Variants in SNTG1 observed in about 807,000 individuals in gnomAD.
SNTG1 encodes gamma-1-syntrophin.
Under a neutral mutation model 74.7 loss-of-function variants are expected in SNTG1, and 39 were observed. That is an observed-to-expected ratio of 0.52 (90% CI 0.40 to 0.68). SNTG1 has a LOEUF of 0.68. Ranked by LOEUF, SNTG1 falls within the 30% of genes least tolerant of loss-of-function variation. The pLI is 0.00. For missense variants in SNTG1, 685 were observed against 609.5 expected (o/e 1.12, Z -1.30); for synonymous variants, 254 against 217.1 (o/e 1.17, Z -1.49).
intron 2 of SNTG1, among the ~76,000 whole-genome samples, chr8:50,370,284 A>C (rs1056328059): frequency 1.3e-5 from 2 of 152,216 alleles, no homozygotes; most frequent in African/African-American, 4.8e-5. Context: ...AATCAGGTGC[A>C]GAATACCACT....
At chr8:50,774,827 G>A (rs2095636031) in intron 18 of SNTG1, among the ~76,000 whole-genome samples, 1 of 151,492 alleles carries the variant, frequency 6.6e-6, no homozygotes, top group African/African-American at 2.4e-5. Context: ...GGGGGGAACA[G>A]AGTTATATAG....
chr8:50,661,628 C>A (rs2095223989), intron 15 of SNTG1, among the ~76,000 whole-genome samples: 1 of 152,088 alleles, frequency 6.6e-6, no homozygotes, highest in African/African-American at 2.4e-5. Flanking sequence ...TGGTTTGCTG[C>A]ACCTATCCAC....
chr8:49,912,813 C>A (rs966932205), intron 1 of SNTG1, among the ~76,000 whole-genome samples: 4 of 152,144 alleles, frequency 2.6e-5, no homozygotes, highest in Admixed American at 1.3e-4. Context: ...TTTGAAAGCT[C>A]AAGATTGCTT....
chr8:49,953,349 A>G (rs993512124), intron 1 of SNTG1, among the ~76,000 whole-genome samples: 1 of 152,160 alleles, frequency 6.6e-6, no homozygotes, highest in African/African-American at 2.4e-5. Context: ...CTTGGGGGGA[A>G]ACAGAGGATA....
At chr8:50,371,769 A>G (rs938558512) in intron 2 of SNTG1, among the ~76,000 whole-genome samples, 1 of 152,130 alleles carries the variant, frequency 6.6e-6, no homozygotes, top group African/African-American at 2.4e-5. Context: ...TGGTGAATTG[A>G]CCCTTTTATC....
Position 50,034,840 on chromosome 8 carries a change from G to A in SNTG1, c.-103+122609G>A, listed in dbSNP as rs532251043. Reference sequence around the variant, plus strand: ...GTGGGCCACAGGTTTGAGAAGCTTCGTCTAGTGTTTTAGCAATTCACCTCA... The same window carrying A: ...GTGGGCCACAGGTTTGAGAAGCTTCATCTAGTGTTTTAGCAATTCACCTCA... On this transcript the variant is annotated intron_variant, in intron 1 of 18. Coordinates refer to ENST00000642720, the MANE Select transcript of SNTG1 (RefSeq NM_018967.5). 6.0e-4 allele frequency among the ~76,000 whole-genome samples: 91 copies of A among 152,284 alleles called. 1 individual carries two copies. In the South Asian group the frequency reaches 0.014, roughly 24 times the overall value.
In SNTG1 at chr8:50,651,108, G is replaced by A. The variant is rs139231654; in HGVS notation, c.850-5801G>A. Among the ~76,000 whole-genome samples the A allele has an allele frequency of 6.6e-5, 10 of 152,232 alleles. No homozygotes were observed. In the South Asian group the frequency reaches 1.0e-3, roughly 16 times the overall value. ...ATCATGGATATTAGTAATTTATGCT[G>A]ATGCTTGCCATGAGTATTTACATTA... On this transcript the variant is annotated intron_variant, in intron 13 of 18. Coordinates refer to ENST00000642720, the MANE Select transcript of SNTG1 (RefSeq NM_018967.5).
At chr8:50,585,080 G>T (rs1236594664) in intron 12 of SNTG1, among the ~76,000 whole-genome samples, 1 of 152,142 alleles carries the variant, frequency 6.6e-6, no homozygotes, top group East Asian at 1.9e-4. Flanking sequence ...CCTGAAACAA[G>T]AACACAAGAA....
chr8:50,135,052 G>A (rs2081428877), intron 1 of SNTG1, among the ~76,000 whole-genome samples: 1 of 152,126 alleles, frequency 6.6e-6, no homozygotes, highest in Admixed American at 6.6e-5. Context: ...TAGTTGGCCT[G>A]GAAATGAACA....
intron 2 of SNTG1, among the ~76,000 whole-genome samples, chr8:50,369,451 C>G (rs1033615412): frequency 2.6e-5 from 4 of 151,950 alleles, no homozygotes; most frequent in African/African-American, 9.7e-5. Context: ...ACAAAATTAG[C>G]CAGGGGTGGT....
chr8:50,366,737 A>T (rs2092122196), intron 2 of SNTG1, among the ~76,000 whole-genome samples: 2 of 146,620 alleles, frequency 1.4e-5, no homozygotes, highest in African/African-American at 4.9e-5. Context: ...ATATATGTGA[A>T]TACATATATT....
At chr8:50,734,300 T>A (rs964052894) in intron 17 of SNTG1, among the ~76,000 whole-genome samples, 1 of 151,882 alleles carries the variant, frequency 6.6e-6, no homozygotes, top group South Asian at 2.1e-4. Flanking sequence ...GTAGTATTTA[T>A]ATAGAGACTG....
intron 1 of SNTG1, among the ~76,000 whole-genome samples, chr8:50,089,712 A>T (rs1016658852): frequency 1.3e-5 from 2 of 152,208 alleles, no homozygotes; most frequent in Non-Finnish European, 2.9e-5. Flanking sequence ...ATGAGATACC[A>T]TCTCACACCA....
chr8:50,194,612 G>T (rs1824464), intron 2 of SNTG1, among the ~76,000 whole-genome samples: 2 of 151,952 alleles, frequency 1.3e-5, no homozygotes, highest in African/African-American at 4.8e-5. Context: ...TCTTTTCAAA[G>T]AACCAGCTTT....
chr8:50,595,776 T>G (rs1378600228), intron 13 of SNTG1, among the ~76,000 whole-genome samples: 1 of 152,068 alleles, frequency 6.6e-6, no homozygotes, highest in Non-Finnish European at 1.5e-5. Flanking sequence ...CTTTTTAATA[T>G]TGCTCATTTA....
At chr8:49,972,113 C>T (rs1811741071) in intron 1 of SNTG1, among the ~76,000 whole-genome samples, 1 of 152,156 alleles carries the variant, frequency 6.6e-6, no homozygotes. Context: ...TGACTTCAAA[C>T]TATACTACAA....
At chr8:50,244,157 G>C (rs1211262564) in intron 2 of SNTG1, among the ~76,000 whole-genome samples, 1 of 152,008 alleles carries the variant, frequency 6.6e-6, no homozygotes, top group Non-Finnish European at 1.5e-5. Context: ...AGAGTAGTGG[G>C]AAGGGGAGTA....
chr8:50,490,781 C>A (rs1183129670), intron 8 of SNTG1: 4 of 152,472 alleles, frequency 2.6e-5, no homozygotes, highest in African/African-American at 9.6e-5. Context: ...TTGACCTCGA[C>A]CTTGCTTGTG....
At chr8:50,084,464 A>C (rs1822695751) in intron 1 of SNTG1, among the ~76,000 whole-genome samples, 1 of 152,174 alleles carries the variant, frequency 6.6e-6, no homozygotes, top group Non-Finnish European at 1.5e-5. Context: ...ATCTCAAAAA[A>C]AATAAAATAA....
Sources: gnomAD v4.1 joint callset for allele counts (sites outside exome capture counted in the v4.1 genomes callset) on GRCh38, gnomAD v4.1.1 for gene constraint, MANE v1.5 for transcripts, NCBI Gene and HGNC (gene_info 2026-07-23, HGNC 2026-07-21) for gene names.